Variants in WNT9B observed in about 807,000 individuals in gnomAD.
WNT9B encodes the protein Wnt family member 9B.
In WNT9B, 12 loss-of-function variants were observed where a neutral mutation model predicts 30.2. That is an observed-to-expected ratio of 0.40 (90% CI 0.26 to 0.64). The LOEUF is 0.64. WNT9B is among the 30% of genes least tolerant of loss of function. WNT9B has a pLI of 0.42. For synonymous variants in WNT9B, 218 were observed against 216.9 expected (o/e 1.01, Z -0.05); for missense variants, 442 against 485.2 (o/e 0.91, Z 0.84).
chr17:46,875,411 C>G (rs746866610), intron 3 of WNT9B, 45 bp downstream of exon 3: 50 of 1,540,488 alleles, frequency 3.2e-5, no homozygotes, highest in Non-Finnish European at 4.3e-5. Flanking sequence ...CACCAGGGTA[C>G]ACAGCTGGGG....
rs1296098823 is a variant in WNT9B, at chr17:46,877,572, A to G, written c.*854A>G. Among the ~76,000 whole-genome samples, 1 of 152,130 alleles carries G rather than the reference A, an allele frequency of 6.6e-6. No homozygotes were observed. The highest frequency in any genetic ancestry group is 1.5e-5 in the Non-Finnish European group (1 of 68,024). On this transcript the variant is annotated 3_prime_UTR_variant, in exon 4 of 4. Coordinates refer to ENST00000290015, the MANE Select transcript of WNT9B (RefSeq NM_003396.3). ...CCCCTCCCTGTGTTCCCTGCTGGCC[A>G]AAGGAATCTTCACTCCCAGCGCAGA... is the stretch of plus-strand genomic sequence containing the variant.
Position 46,872,648 on chromosome 17 carries a change from G to A in WNT9B, c.209G>A (p.Arg70Lys). The change falls in exon 2 of 4, where the codon AGG becomes AAG. Residue 70 changes from arginine to lysine, a missense_variant. Arg to Lys is a conservative substitution (Grantham distance 26, BLOSUM62 2). Coordinates refer to ENST00000290015, the MANE Select transcript of WNT9B (RefSeq NM_003396.3). ...CGGCGGCAGAAGCAGCTCTGCCGGA[G>A]GGAGCCCGGCCTGGCTGAGACCCTG... ...LSRRQKQLCR[R>K]EPGLAETLRD... 1.2e-6 allele frequency: 2 copies of A among 1,613,688 alleles called. No homozygotes were observed. The highest frequency in any genetic ancestry group is 1.7e-6 in the Non-Finnish European group (2 of 1,179,996).
intron 1 of WNT9B, among the ~76,000 whole-genome samples, chr17:46,858,751 C>T (rs549230445): frequency 3.9e-5 from 6 of 152,274 alleles, no homozygotes; most frequent in African/African-American, 9.6e-5. Flanking sequence ...ACTACAGCCT[C>T]GACCTTCTGG....
chr17:46,853,517 G>A (rs1275570183), intron 1 of WNT9B, among the ~76,000 whole-genome samples: 7 of 151,822 alleles, frequency 4.6e-5, no homozygotes, highest in Non-Finnish European at 8.8e-5. Context: ...GACTATAGGC[G>A]CGTGCCACCA....
At chr17:46,885,112 C>G, downstream of WNT9B, 2 of 424,558 alleles carry the variant, frequency 4.7e-6, no homozygotes, top group Non-Finnish European at 9.5e-6. Context: ...TCTCAGCTGC[C>G]TGAGTAACTG....
At chr17:46,869,675 C>T (rs946996369) in intron 1 of WNT9B, among the ~76,000 whole-genome samples, 5 of 151,834 alleles carry the variant, frequency 3.3e-5, no homozygotes, top group Admixed American at 6.6e-5. Context: ...TTTGAGCCTT[C>T]GCTCCACACT....
chr17:46,848,277 G>A (rs57119439), upstream of WNT9B, among the ~76,000 whole-genome samples: 29,870 of 152,058 alleles, frequency 0.2, 3,603 homozygotes, highest in East Asian at 0.5. Flanking sequence ...GAGTGCTTCC[G>A]TCACCACACA....
chr17:46,883,194 G>A (rs1030268737), downstream of WNT9B, among the ~76,000 whole-genome samples: 17 of 152,024 alleles, frequency 1.1e-4, no homozygotes, highest in Admixed American at 3.9e-4. Context: ...ACGTTAGCCA[G>A]GATGGTCTTG....
intron 1 of WNT9B, among the ~76,000 whole-genome samples, chr17:46,835,510 C>G (rs1431229450): frequency 2.0e-5 from 3 of 152,194 alleles, no homozygotes; most frequent in Non-Finnish European, 4.4e-5. Context: ...CACGCCCAGC[C>G]CAGTCTCCCT....
Position 46,876,665 on chromosome 17 carries a change from G to T in WNT9B, c.1021G>T (p.Val341Leu). 6.3e-7 allele frequency: 1 copy of T among 1,596,958 alleles called. No homozygotes were observed. Residue 341 changes from valine (V) to leucine (L), a missense_variant, in exon 4 of 4, where the codon GTG becomes TTG. Coordinates refer to ENST00000290015, the MANE Select transcript of WNT9B (RefSeq NM_003396.3). ...CHCQVQWCCY[V>L]ECQQCVQEEL... ...CTGCCAGGTGCAGTGGTGCTGCTAC[G>T]TGGAGTGCCAGCAATGTGTGCAGGA...
chr17:46,885,780 G>A (rs1485406452), exon 5 of WNT9B: 2 of 152,094 alleles, frequency 1.3e-5, no homozygotes, highest in Non-Finnish European at 2.9e-5. Context: ...TGGTGTAGCT[G>A]GCACCACATC....
At chr17:46,864,057 G>C (rs1421561154) in intron 1 of WNT9B, among the ~76,000 whole-genome samples, 2 of 152,198 alleles carry the variant, frequency 1.3e-5, no homozygotes, top group Non-Finnish European at 2.9e-5. Context: ...AGGGGGTCAC[G>C]CACAAGGCAT....
At position 46,855,031 on chromosome 17, in the gene WNT9B, G is replaced by T. The variant is rs189463270; in HGVS notation, c.77+3316G>T. Among the ~76,000 whole-genome samples, 169 of 152,312 alleles carry T rather than the reference G, an allele frequency of 1.1e-3. 1 individual carries two copies. Among genetic ancestry groups the T allele is most frequent in the Non-Finnish European group, 3.7e-4 (25 of 68,034 alleles). ...ATTTCTCCAGAGCCATGTAGGATGG[G>T]TGTAAATAGTTCCCACAAGGAATCT... On this transcript the variant is annotated intron_variant, in intron 1 of 3. Coordinates refer to ENST00000290015, the MANE Select transcript of WNT9B (RefSeq NM_003396.3).
At position 46,842,031 on chromosome 17, in the gene WNT9B, G is replaced by A. The variant is rs368553550; in HGVS notation, c.95+8591G>A. On this transcript the variant is annotated intron_variant, in intron 1 of 2. Coordinates refer to the WNT9B transcript ENST00000575372. ...GGCTGGCCGCGGTGGCGCCCTCGGC[G>A]GGGCCTGGGCTGGCCTGGGGACCCG... 1.0e-3 allele frequency among the ~76,000 whole-genome samples: 156 copies of A among 152,260 alleles called. 1 individual carries two copies. The East Asian group carries it at 0.015, about 15-fold the overall frequency.
At chr17:46,851,161 C>T (rs2084837009), upstream of WNT9B, among the ~76,000 whole-genome samples, 1 of 151,968 alleles carries the variant, frequency 6.6e-6, no homozygotes, top group Admixed American at 6.6e-5. The surrounding 1 kb of genome is among the most constrained non-coding windows in gnomAD (Gnocchi z 4.3). Flanking sequence ...GGACAATGAC[C>T]CGGGTTTTCC....
At chr17:46,851,512 A>G (rs1188866999), upstream of WNT9B, 2 of 416,180 alleles carry the variant, frequency 4.8e-6, no homozygotes, top group Non-Finnish European at 3.9e-6. This position sits in a 1 kb window ranked among gnomAD's most constrained non-coding sequence, Gnocchi z 4.3. Flanking sequence ...GAGCCTCCCA[A>G]TCTCCTCCTT....
intron 1 of WNT9B, among the ~76,000 whole-genome samples, chr17:46,839,938 TTC>T (rs1309919258): frequency 6.7e-6 from 1 of 149,064 alleles, no homozygotes; most frequent in Non-Finnish European, 1.5e-5. Flanking sequence ...CTTTCTTTCT[TTC>T]TTTCTTTCTT....
At chr17:46,856,497 T>G (rs1034681536) in intron 1 of WNT9B, among the ~76,000 whole-genome samples, 1 of 151,964 alleles carries the variant, frequency 6.6e-6, no homozygotes, top group African/African-American at 2.4e-5. Flanking sequence ...TCTTTTTTTT[T>G]TTTTTGAGAT....
In WNT9B at chr17:46,875,163, CG is replaced by C. The variant is rs753045503; in HGVS notation, c.400del (p.Ala134ProfsTer40). On this transcript the variant is annotated frameshift_variant, in exon 3 of 4. Coordinates refer to ENST00000290015, the MANE Select transcript of WNT9B (RefSeq NM_003396.3). LOFTEE classifies it high-confidence loss of function. ...SSAALTHTLARACSAGRMERC... is the reference protein window; with the variant it reads ...SSAALTHTLAXACSAGRMERC... ...TGCCGCCCTCACCCACACCCTGGCC[CG>C]GGCCTGCAGCGCTGGGCGCATGGAG... The C allele has an allele frequency of 6.2e-7, 1 of 1,614,036 alleles. No homozygotes were observed. Among genetic ancestry groups the C allele is most frequent in the South Asian group, 1.1e-5 (1 of 91,078 alleles).
Sources: allele counts gnomAD v4.1 joint callset (sites outside exome capture counted in the v4.1 genomes callset), GRCh38; gene constraint gnomAD v4.1.1; non-coding constraint Gnocchi (gnomAD v3.1); transcripts MANE v1.5; gene names NCBI Gene and HGNC (gene_info 2026-07-23, HGNC 2026-07-21).